ROBO2: variants seen among roughly 807,000 people sequenced by gnomAD.
ROBO2 encodes the protein roundabout guidance receptor 2.
Under a neutral mutation model 160.8 loss-of-function variants are expected in ROBO2, and 53 were observed. The ratio of observed to expected loss-of-function variants is 0.33; its 90% CI spans 0.26 to 0.41. The LOEUF is 0.41. Among genes scored for constraint, ROBO2 ranks in the 10% least tolerant of loss-of-function variants. The pLI is 1.00. For synonymous variants in ROBO2, 664 were observed against 611.7 expected (o/e 1.09, Z -1.26); for missense variants, 1,577 against 1,722.4 (o/e 0.92, Z 1.49).
At chr3:77,440,602 T>C (rs1330330036) in intron 2 of ROBO2, among the ~76,000 whole-genome samples, 1 of 152,200 alleles carries the variant, frequency 6.6e-6, no homozygotes, top group East Asian at 1.9e-4. Flanking sequence ...AATAAAAATG[T>C]AAGTTCACTG....
intron 1 of ROBO2, among the ~76,000 whole-genome samples, chr3:77,060,743 T>C (rs1242126715): frequency 6.6e-6 from 1 of 152,202 alleles, no homozygotes; most frequent in African/African-American, 2.4e-5. Context: ...AATATCAAAG[T>C]TATCACAGAA....
chr3:77,019,739 G>A (rs956835077), intron 2 of ROBO2, among the ~76,000 whole-genome samples: 2 of 151,930 alleles, frequency 1.3e-5, no homozygotes, highest in African/African-American at 2.4e-5. Context: ...TCCTCTGCAA[G>A]TATTTGTAAC....
intron 2 of ROBO2, among the ~76,000 whole-genome samples, chr3:76,468,975 C>G (rs1398991189): frequency 6.6e-6 from 1 of 152,044 alleles, no homozygotes; most frequent in African/African-American, 2.4e-5. Context: ...TCATCATATT[C>G]CAAATAGAAC....
At chr3:77,086,223 A>C (rs1159194751) in intron 1 of ROBO2, among the ~76,000 whole-genome samples, 3 of 152,086 alleles carry the variant, frequency 2.0e-5, no homozygotes, top group Non-Finnish European at 4.4e-5. Context: ...AGGTTATACT[A>C]ATAAAAGAGT....
At chr3:77,086,831 G>A (rs1297124818) in intron 1 of ROBO2, among the ~76,000 whole-genome samples, 3 of 152,014 alleles carry the variant, frequency 2.0e-5, no homozygotes, top group African/African-American at 4.8e-5. Context: ...TTTTCCATCT[G>A]TCTTTTAAAA....
At chr3:76,680,692 T>C (rs533876424) in intron 2 of ROBO2, among the ~76,000 whole-genome samples, 11 of 152,132 alleles carry the variant, frequency 7.2e-5, no homozygotes, top group Non-Finnish European at 1.3e-4. Flanking sequence ...AGATTAGAAA[T>C]ATTGTTGTCA....
At chr3:76,397,495 G>A (rs1169934534) in intron 2 of ROBO2, among the ~76,000 whole-genome samples, 1 of 151,870 alleles carries the variant, frequency 6.6e-6, no homozygotes, top group Non-Finnish European at 1.5e-5. Flanking sequence ...AAACTAAAGA[G>A]CTTCTGCACA....
intron 2 of ROBO2, among the ~76,000 whole-genome samples, chr3:77,469,552 T>C (rs2153578865): frequency 6.6e-6 from 1 of 152,182 alleles, no homozygotes; most frequent in East Asian, 1.9e-4. Flanking sequence ...TTTTTTCTCT[T>C]AGTCCATTGG....
intron 2 of ROBO2, among the ~76,000 whole-genome samples, chr3:76,038,861 AAAT>A (rs1336883010): frequency 6.6e-6 from 1 of 151,836 alleles, no homozygotes; most frequent in African/African-American, 2.4e-5. Context: ...CACTGTCAAT[AAAT>A]AATGTCTGCA....
At chr3:76,689,846 C>G (rs1016376758) in intron 2 of ROBO2, among the ~76,000 whole-genome samples, 1 of 152,146 alleles carries the variant, frequency 6.6e-6, no homozygotes, top group African/African-American at 2.4e-5. Flanking sequence ...GTTCTGTCTA[C>G]CAAATTCTTT....
chr3:76,429,491 A>G (rs1205487495), intron 2 of ROBO2, among the ~76,000 whole-genome samples: 1 of 152,018 alleles, frequency 6.6e-6, no homozygotes, highest in Non-Finnish European at 1.5e-5. Flanking sequence ...TTACTTCTTG[A>G]TTTTCTGGTT....
At chr3:76,143,339 C>T (rs1323251663) in intron 2 of ROBO2, among the ~76,000 whole-genome samples, 1 of 152,006 alleles carries the variant, frequency 6.6e-6, no homozygotes, top group African/African-American at 2.4e-5. Flanking sequence ...CTTAGCTGGG[C>T]ATTTAAATCC....
rs1300806684 is a variant in ROBO2, at chr3:77,069,465, T to G, written c.62-28549T>G. Among the ~76,000 whole-genome samples the G allele has an allele frequency of 3.9e-5, 6 of 152,288 alleles. No individual in the cohort carries two copies. The East Asian group carries it at 1.2e-3, about 29-fold the overall frequency. On this transcript the variant is annotated intron_variant, in intron 1 of 25. Transcript: ENST00000461745. ...TTAAGGTCATAGGTGGACATTTTAC[T>G]GAAATATATATTGATTCAATGAAGA... is the stretch of plus-strand genomic sequence containing the variant.
intron 16 of ROBO2, among the ~76,000 whole-genome samples, chr3:77,584,134 A>G (rs983215244): frequency 6.6e-6 from 1 of 152,102 alleles, no homozygotes; most frequent in Non-Finnish European, 1.5e-5. Flanking sequence ...ATCACTCTCC[A>G]CCATCTCCCT....
Position 77,161,358 on chromosome 3 carries a change from C to T in ROBO2, c.388+63018C>T, listed in dbSNP as rs141854739. Among the ~76,000 whole-genome samples the T allele has an allele frequency of 3.4e-3, 524 of 152,296 alleles. 5 individuals carry two copies. The highest frequency in any genetic ancestry group is 5.9e-3 in the Non-Finnish European group (400 of 68,038). On this transcript the variant is annotated intron_variant, in intron 2 of 25. Transcript: ENST00000461745. ...TTCAAATATAGGCTTCATTTGACTA[C>T]GTACCACCAGTGTTAATTTAGTATA...
intron 2 of ROBO2, among the ~76,000 whole-genome samples, chr3:76,619,788 G>A (rs1560246566): frequency 1.3e-5 from 2 of 152,118 alleles, no homozygotes; most frequent in African/African-American, 2.4e-5. Context: ...AGGTGAGCTC[G>A]GAACCCATGA....
chr3:76,446,445 T>C (rs1240475900), intron 2 of ROBO2, among the ~76,000 whole-genome samples: 1 of 152,244 alleles, frequency 6.6e-6, no homozygotes, highest in African/African-American at 2.4e-5. Flanking sequence ...GAATCAATAT[T>C]GTGGAAATGG....
At chr3:75,911,885 A>T (rs1946609840) in intron 1 of ROBO2, among the ~76,000 whole-genome samples, 1 of 152,192 alleles carries the variant, frequency 6.6e-6, no homozygotes, top group Non-Finnish European at 1.5e-5. Context: ...ACAAGCTGGG[A>T]ATAGAATGCC....
chr3:77,608,038 C>T (rs2094559732), intron 21 of ROBO2, 84 bp downstream of exon 22: 2 of 1,364,160 alleles, frequency 1.5e-6, no homozygotes, highest in East Asian at 2.3e-5. Context: ...CTTATGTTCT[C>T]TCACTGTTTC....
Sources: gnomAD v4.1 joint callset for allele counts (sites outside exome capture counted in the v4.1 genomes callset) on GRCh38, gnomAD v4.1.1 for gene constraint, MANE v1.5 for transcripts, NCBI Gene and HGNC (gene_info 2026-07-23, HGNC 2026-07-21) for gene names.